Variants in CNBD1 observed in about 807,000 individuals in gnomAD.
CNBD1 encodes cyclic nucleotide binding domain containing 1, also known as cyclic nucleotide-binding domain-containing protein 1.
A neutral mutation model predicts 54.4 loss-of-function variants in CNBD1; 71 were observed. The observed-to-expected ratio is 1.30, with a 90% CI of 1.08 to 1.59. CNBD1 has a LOEUF of 1.59. CNBD1 is among the 40% of genes most tolerant of loss of function. The probability of loss-of-function intolerance (pLI) is 0.00; values close to 1 mark genes in which losing one functional copy is unlikely to be tolerated. For missense variants in CNBD1, 659 were observed against 518.0 expected (o/e 1.27, Z -2.64); for synonymous variants, 182 against 170.7 (o/e 1.07, Z -0.51).
intron 3 of CNBD1, among the ~76,000 whole-genome samples, chr8:86,932,795 C>G (rs1563826962): frequency 6.6e-6 from 1 of 151,844 alleles, no homozygotes; most frequent in South Asian, 2.1e-4. Context: ...GAGTGTTTCC[C>G]ATCTGAAAGA....
chr8:86,962,332 A>G (rs1345431922), intron 4 of CNBD1, among the ~76,000 whole-genome samples: 1 of 152,238 alleles, frequency 6.6e-6, no homozygotes, highest in Non-Finnish European at 1.5e-5. Context: ...ATGGACATCT[A>G]CTTTTAAATA....
chr8:86,978,421 C>G (rs572627462), intron 4 of CNBD1, among the ~76,000 whole-genome samples: 1 of 151,084 alleles, frequency 6.6e-6, no homozygotes, highest in South Asian at 2.1e-4. Context: ...ATTTTTGTCT[C>G]TAATTTAAAG....
downstream of CNBD1, among the ~76,000 whole-genome samples, chr8:87,383,762 T>C (rs927020345): frequency 6.6e-6 from 1 of 152,138 alleles, no homozygotes; most frequent in Non-Finnish European, 1.5e-5. Flanking sequence ...TAGCACCAAG[T>C]TGTATTAACT....
At chr8:86,927,846 C>T (rs1809389262) in intron 3 of CNBD1, among the ~76,000 whole-genome samples, 1 of 152,008 alleles carries the variant, frequency 6.6e-6, no homozygotes, top group African/African-American at 2.4e-5. Flanking sequence ...ATATTTCCTT[C>T]TGAAATAGGA....
chr8:87,033,344 T>G (rs563865549), intron 4 of CNBD1, among the ~76,000 whole-genome samples: 1 of 151,796 alleles, frequency 6.6e-6, no homozygotes. Flanking sequence ...CATGAAGTTC[T>G]GGGTCACCAA....
At chr8:87,246,671 A>G (rs537683068) in intron 6 of CNBD1, among the ~76,000 whole-genome samples, 2 of 151,976 alleles carry the variant, frequency 1.3e-5, no homozygotes, top group South Asian at 2.1e-4. Context: ...AGAATGCTGA[A>G]TTTCTTCCTC....
At chr8:87,427,063 G>C (rs752425935) in intron 2 of CNBD1, among the ~76,000 whole-genome samples, 1 of 152,108 alleles carries the variant, frequency 6.6e-6, no homozygotes, top group Non-Finnish European at 1.5e-5. Flanking sequence ...GCATTGAACA[G>C]ATAATGGAAG....
At chr8:86,954,636 G>A (rs1043338698) in intron 4 of CNBD1, among the ~76,000 whole-genome samples, 2 of 152,090 alleles carry the variant, frequency 1.3e-5, no homozygotes, top group African/African-American at 4.8e-5. Flanking sequence ...CACTTTGTAT[G>A]TAAATCTATT....
intron 4 of CNBD1, among the ~76,000 whole-genome samples, chr8:87,079,327 C>T (rs928646679): frequency 2.6e-5 from 4 of 151,740 alleles, no homozygotes. Context: ...TTCATAGAGC[C>T]GTAGGGCTAG....
In CNBD1 at chr8:87,182,995, T is replaced by C. The variant is rs77833184; in HGVS notation, c.432-22998T>C. Among the ~76,000 whole-genome samples the C allele has an allele frequency of 0.014, 2,156 of 152,266 alleles. 61 individuals carry two copies. The highest frequency in any genetic ancestry group is 0.049 in the African/African-American group (2,054 of 41,560). Reference sequence around the variant, plus strand: ...TTTGCTAAGTCCTATGTTCAGAATGTCATTTCCTAGTTTTTTCTAGGGTTC... The same window carrying C: ...TTTGCTAAGTCCTATGTTCAGAATGCCATTTCCTAGTTTTTTCTAGGGTTC... On this transcript the variant is annotated intron_variant, in intron 4 of 10. Coordinates refer to ENST00000518476, the MANE Select transcript of CNBD1 (RefSeq NM_173538.3). The surrounding 1 kb of genome is among the most constrained non-coding windows in gnomAD (Gnocchi z 4.1).
intron 8 of CNBD1, among the ~76,000 whole-genome samples, chr8:87,334,560 A>T (rs1809902589): frequency 7.9e-6 from 1 of 127,152 alleles, no homozygotes; most frequent in Non-Finnish European, 1.6e-5. Context: ...TGCATCTCAG[A>T]GATTCTGGTA....
chr8:86,994,963 T>C (rs1417778462), intron 4 of CNBD1, among the ~76,000 whole-genome samples: 1 of 152,136 alleles, frequency 6.6e-6, no homozygotes, highest in Non-Finnish European at 1.5e-5. Context: ...GGGGCTGTGA[T>C]AATTAAGCTG....
intron 4 of CNBD1, among the ~76,000 whole-genome samples, chr8:87,105,215 T>C (rs55862842): frequency 0.49 from 75,080 of 152,014 alleles, 18,785 homozygotes; most frequent in Non-Finnish European, 0.52. Context: ...CTTTATCATC[T>C]TTGAAAATGA....
intron 6 of CNBD1, among the ~76,000 whole-genome samples, chr8:87,265,251 A>T (rs2130852658): frequency 6.6e-6 from 1 of 152,210 alleles, no homozygotes; most frequent in South Asian, 2.1e-4. Flanking sequence ...CATTTATTAA[A>T]TAGGGAATCC....
chr8:87,045,759 C>A lies in CNBD1; in HGVS notation c.431+106005C>A, dbSNP rs1810172375. Among the ~76,000 whole-genome samples the A allele has an allele frequency of 2.0e-5, 3 of 146,744 alleles. No homozygotes were observed. In the Admixed American group the frequency reaches 2.0e-4, roughly 10 times the overall value. On this transcript the variant is annotated intron_variant, in intron 4 of 10. Transcript: ENST00000518476. Reference sequence around the variant, plus strand: ...AAAAAAAAAAACAGTACACATGTGCCGGCCAGGCATGGTGGCTCACGCCTA... The same window carrying A: ...AAAAAAAAAAACAGTACACATGTGCAGGCCAGGCATGGTGGCTCACGCCTA...
At chr8:87,264,942 T>C (rs1300644229) in intron 6 of CNBD1, among the ~76,000 whole-genome samples, 1 of 152,010 alleles carries the variant, frequency 6.6e-6, no homozygotes, top group African/African-American at 2.4e-5. Flanking sequence ...TTCTCCCATT[T>C]TGTAGGTTGC....
intron 4 of CNBD1, among the ~76,000 whole-genome samples, chr8:87,000,723 T>G (rs1305829372): frequency 2.0e-5 from 3 of 152,236 alleles, no homozygotes; most frequent in Non-Finnish European, 4.4e-5. Flanking sequence ...GATCTCACTT[T>G]CATTCTTTTA....
chr8:86,876,705 A>G (rs965876954), intron 1 of CNBD1, among the ~76,000 whole-genome samples: 3 of 151,958 alleles, frequency 2.0e-5, no homozygotes, highest in East Asian at 1.9e-4. Context: ...TATTTTAACT[A>G]TATTCCATAG....
At chr8:87,236,679 G>C (rs1291075355) in intron 5 of CNBD1, among the ~76,000 whole-genome samples, 1 of 152,026 alleles carries the variant, frequency 6.6e-6, no homozygotes, top group Non-Finnish European at 1.5e-5. Context: ...TCAGTTCTGT[G>C]AGAGGATAGC....
Sources: allele counts gnomAD v4.1 joint callset (sites outside exome capture counted in the v4.1 genomes callset), GRCh38; gene constraint gnomAD v4.1.1; non-coding constraint Gnocchi (gnomAD v3.1); transcripts MANE v1.5; gene names NCBI Gene and HGNC (gene_info 2026-07-23, HGNC 2026-07-21).